The following XYLT1 variants were observed in gnomAD, a reference collection of about 807,000 sequenced individuals.
XYLT1 encodes beta-D-xylosyltransferase 1.
XYLT1 carries 36 observed loss-of-function variants against 91.3 expected under a neutral mutation model. The observed-to-expected ratio is 0.39, with a 90% CI of 0.30 to 0.52. The LOEUF is 0.52. XYLT1 is among the 20% of genes least tolerant of loss of function. The pLI, the probability that XYLT1 is intolerant of heterozygous loss-of-function variation, is 0.68. For synonymous variants in XYLT1, 588 were observed against 532.0 expected (o/e 1.11, Z -1.45); for missense variants, 1,242 against 1,284.5 (o/e 0.97, Z 0.51).
At chr16:17,318,186 G>A (rs2034665246) in intron 2 of XYLT1, among the ~76,000 whole-genome samples, 1 of 152,216 alleles carries the variant, frequency 6.6e-6, no homozygotes. Context: ...CATAGCGGAT[G>A]CTGAATAAAT....
At chr16:17,343,360 C>G (rs991126929) in intron 2 of XYLT1, among the ~76,000 whole-genome samples, 3 of 152,232 alleles carry the variant, frequency 2.0e-5, no homozygotes, top group Admixed American at 2.0e-4. Flanking sequence ...CCTGCTGCAT[C>G]AACAGCGACT....
Position 17,261,551 on chromosome 16 carries a change from C to T in XYLT1, c.403-2053G>A, listed in dbSNP as rs918725796. Among the ~76,000 whole-genome samples, 4 of 152,220 alleles carry T rather than the reference C, an allele frequency of 2.6e-5. No homozygotes were observed. The East Asian group carries it at 7.7e-4, about 29-fold the overall frequency. Reference sequence around the variant, plus strand: ...CCAAGAAATTGTATGATCCTTATTACACCCATCACCCAAAACCCTTAAGTA... The same window carrying T: ...CCAAGAAATTGTATGATCCTTATTATACCCATCACCCAAAACCCTTAAGTA... On this transcript the variant is annotated intron_variant, in intron 2 of 11. Coordinates refer to ENST00000261381, the MANE Select transcript of XYLT1 (RefSeq NM_022166.4).
At chr16:17,112,841 T>G (rs1207329682) in intron 11 of XYLT1, among the ~76,000 whole-genome samples, 1 of 152,186 alleles carries the variant, frequency 6.6e-6, no homozygotes, top group African/African-American at 2.4e-5. Context: ...GATAGAGGAT[T>G]GATTGATTCT....
chr16:17,134,840 C>A, intron 8 of XYLT1, 105 bp from the exon 9 acceptor site: 1 of 1,381,404 alleles, frequency 7.2e-7, no homozygotes, highest in Non-Finnish European at 9.9e-7. Context: ...TCTGCTGGAC[C>A]CGAATTAGCT....
rs775917461 is a variant in XYLT1 at position 17,358,055 on chromosome 16, A to T, written c.364-5T>A. 1 of 1,613,212 alleles carries T rather than the reference A, an allele frequency of 6.2e-7. No individual in the cohort carries two copies. Among genetic ancestry groups the T allele is most frequent in the Non-Finnish European group, 8.5e-7 (1 of 1,179,540 alleles). On this transcript the variant is annotated splice_polypyrimidine_tract_variant and splice_region_variant and intron_variant, in intron 1 of 11. Coordinates refer to ENST00000261381, the MANE Select transcript of XYLT1 (RefSeq NM_022166.4). Reference sequence around the variant, plus strand: ...GAGCGGACTTGGGTGTGGATCCTGTAGGATGAAAGGAGAAAATGCACGTGA... The same window carrying T: ...GAGCGGACTTGGGTGTGGATCCTGTTGGATGAAAGGAGAAAATGCACGTGA...
At chr16:17,271,878 C>A (rs2033900203) in intron 2 of XYLT1, among the ~76,000 whole-genome samples, 1 of 152,160 alleles carries the variant, frequency 6.6e-6, no homozygotes, top group Non-Finnish European at 1.5e-5. Flanking sequence ...CAGACCCTGG[C>A]ATCCAGCCAG....
chr16:17,148,368 A>G (rs912589450), intron 6 of XYLT1, among the ~76,000 whole-genome samples: 3 of 152,158 alleles, frequency 2.0e-5, no homozygotes, highest in African/African-American at 4.8e-5. Context: ...CACAATATAC[A>G]AGATATTTAT....
intron 2 of XYLT1, among the ~76,000 whole-genome samples, chr16:17,355,647 TG>T (rs201596582): frequency 0.013 from 1,905 of 152,284 alleles, 52 homozygotes; most frequent in African/African-American, 0.043. Context: ...TTCAAACTTG[TG>T]GTTCCATGAA....
chr16:17,463,886 C>A (rs775091269), intron 1 of XYLT1, among the ~76,000 whole-genome samples: 1 of 152,248 alleles, frequency 6.6e-6, no homozygotes, highest in Non-Finnish European at 1.5e-5. Flanking sequence ...TAAACACACA[C>A]AGTGGAATAT....
chr16:17,247,683 G>A (rs111403692), intron 3 of XYLT1, among the ~76,000 whole-genome samples: 72 of 152,292 alleles, frequency 4.7e-4, no homozygotes, highest in African/African-American at 1.1e-3. Context: ...CAGAGGGGCC[G>A]CAAGTCTTTT....
rs774548554 is a variant in XYLT1 at position 17,470,656 on chromosome 16, C to G, written c.141G>C (p.Gly47=). ...GCTCCCCGCCGCCGACCGCTGCGCC[C>G]CCGCGGCGCTCCCCGGCCCCGGAGT... ...SLDSGAGERR[G]GAAVGGGEQP... The change falls in exon 1 of 12, where the codon GGG becomes GGC. Residue 47 remains glycine (G), a synonymous_variant. Transcript: ENST00000261381. 2.6e-6 allele frequency: 3 copies of G among 1,133,198 alleles called. No homozygotes were observed. Among genetic ancestry groups the G allele is most frequent in the South Asian group, 3.9e-5 (2 of 50,916 alleles). The allele number at this position is 1,133,198 out of a possible 1,614,324, so 70.2% of individuals were successfully genotyped here.
At chr16:17,397,681 T>C (rs773290593) in intron 1 of XYLT1, among the ~76,000 whole-genome samples, 29 of 152,152 alleles carry the variant, frequency 1.9e-4, no homozygotes, top group Non-Finnish European at 2.8e-4. Flanking sequence ...TCAAGTGACT[T>C]TCCTAGGGAT....
chr16:17,294,937 C>A (rs909610155), intron 2 of XYLT1, among the ~76,000 whole-genome samples: 1 of 152,092 alleles, frequency 6.6e-6, no homozygotes, highest in African/African-American at 2.4e-5. Context: ...GCAACAAAAC[C>A]CTTGCCTTCA....
chr16:17,227,813 A>C (rs1168964295), intron 3 of XYLT1: 1 of 152,430 alleles, frequency 6.6e-6, no homozygotes, highest in Non-Finnish European at 1.5e-5. Context: ...CCTAAAGGGC[A>C]GAGCAGGAGG....
chr16:17,211,104 C>G (rs775579187), intron 3 of XYLT1, among the ~76,000 whole-genome samples: 2 of 152,082 alleles, frequency 1.3e-5, no homozygotes, highest in Non-Finnish European at 2.9e-5. Flanking sequence ...AAAATAAAGG[C>G]GAGTCTATTG....
At chr16:17,367,046 TG>T (rs1430834181) in intron 1 of XYLT1, among the ~76,000 whole-genome samples, 1 of 152,046 alleles carries the variant, frequency 6.6e-6, no homozygotes, top group Non-Finnish European at 1.5e-5. Context: ...TCGACTACTT[TG>T]CTTTTTCCAG....
At chr16:17,376,017 A>G (rs2035596608) in intron 1 of XYLT1, among the ~76,000 whole-genome samples, 1 of 152,238 alleles carries the variant, frequency 6.6e-6, no homozygotes, top group Non-Finnish European at 1.5e-5. Flanking sequence ...ACTGTTAATA[A>G]ACCCTGACCT....
intron 11 of XYLT1, among the ~76,000 whole-genome samples, chr16:17,111,948 G>A (rs1966841953): frequency 6.6e-6 from 1 of 152,174 alleles, no homozygotes; most frequent in Non-Finnish European, 1.5e-5. Context: ...AACAGAGCCT[G>A]CTGTCTTTGG....
intron 5 of XYLT1, among the ~76,000 whole-genome samples, chr16:17,160,285 G>A (rs1011663459): frequency 2.6e-5 from 4 of 152,150 alleles, no homozygotes; most frequent in Admixed American, 2.6e-4. Flanking sequence ...TGGATTTAAA[G>A]GGCACACAGT....
Sources: gnomAD v4.1 joint callset for allele counts (sites outside exome capture counted in the v4.1 genomes callset) on GRCh38, gnomAD v4.1.1 for gene constraint, MANE v1.5 for transcripts, NCBI Gene and HGNC (gene_info 2026-07-23, HGNC 2026-07-21) for gene names.